CCDC22: variants seen among roughly 807,000 people sequenced by gnomAD.
CCDC22 encodes the protein CCC complex scaffolding subunit CCDC22, also known as coiled-coil domain-containing protein 22.
In CCDC22, 4 loss-of-function variants were observed where a neutral mutation model predicts 53.1. That is an observed-to-expected ratio of 0.08 (90% CI 0.04 to 0.17). The LOEUF (loss-of-function observed/expected upper bound fraction) is 0.17, where lower values mean the gene tolerates loss of function less well. CCDC22 is among the 10% of genes least tolerant of loss of function. CCDC22 has a pLI of 1.00. For missense variants in CCDC22, 458 were observed against 554.0 expected (o/e 0.83, Z 1.74); for synonymous variants, 222 against 224.4 (o/e 0.99, Z 0.10).
chrX:49,245,947 GTTT>G, intron 6 of CCDC22, among the ~76,000 whole-genome samples: 1 of 99,640 alleles, frequency 1.0e-5, no homozygotes, highest in African/African-American at 3.5e-5. Flanking sequence ...TATCTTGTGG[GTTT>G]TTTTTTGTTT....
intron 2 of CCDC22, among the ~76,000 whole-genome samples, chrX:49,241,038 G>A (rs1242692861): frequency 6.3e-5 from 7 of 111,853 alleles, no homozygotes; most frequent in African/African-American, 2.3e-4. Flanking sequence ...TGTACTGTTG[G>A]TATACCCTCT....
At chrX:49,240,210 G>A (rs1310697553) in intron 2 of CCDC22, among the ~76,000 whole-genome samples, 3 of 93,726 alleles carry the variant, frequency 3.2e-5, no homozygotes, top group Non-Finnish European at 4.1e-5. Context: ...CTGTGATTGC[G>A]CCACTGCACT....
At chrX:49,239,633 T>C (rs1557113160) in intron 2 of CCDC22, among the ~76,000 whole-genome samples, 1 of 110,511 alleles carries the variant, frequency 9.0e-6, no homozygotes, top group Admixed American at 9.6e-5. Flanking sequence ...CAGAGCTCCA[T>C]CCATCCCTTC....
In CCDC22 at chrX:49,237,187, C is replaced by T; in HGVS notation, c.152C>T (p.Ser51Phe). 8.3e-7 allele frequency: 1 copy of T among 1,211,936 alleles called. No individual in the cohort carries two copies. Among genetic ancestry groups the T allele is most frequent in the Non-Finnish European group, 1.1e-6 (1 of 895,443 alleles). The change falls in exon 2 of 17, where the codon TCT becomes TTT. Residue 51 changes from serine (S) to phenylalanine (F), a missense_variant. By Grantham distance (155) the Ser-to-Phe change is radical. Transcript: ENST00000376227. ...CLRVINPAVG[S>F]GLSPLLPLAM... ...CGTGTGATCAACCCTGCGGTGGGCT[C>T]TGGCCTCAGCCCTCTGCTGCCTCTT...
intron 6 of CCDC22, 118 bp from the exon 7 acceptor site, chrX:49,246,613 C>A: frequency 3.4e-6 from 2 of 588,403 alleles, no homozygotes; most frequent in Non-Finnish European, 5.1e-6. Flanking sequence ...AGTGGGAAGG[C>A]TGGAGGGTGG....
At chrX:49,236,831 C>G in intron 1 of CCDC22, 1 of 321,368 alleles carries the variant, frequency 3.1e-6, no homozygotes, top group Non-Finnish European at 5.4e-6. Flanking sequence ...TCCCAGACTC[C>G]CAAATTTTGA....
chrX:49,249,370 A>G, intron 14 of CCDC22, 108 bp downstream of exon 14: 1 of 852,461 alleles, frequency 1.2e-6, no homozygotes, highest in Non-Finnish European at 1.7e-6. Flanking sequence ...GCGAGGCTGG[A>G]GGTGCACTGA....
chrX:49,237,095 T>C lies in CCDC22; in HGVS notation c.60T>C (p.Pro20=). 8.3e-7 allele frequency: 1 copy of C among 1,210,049 alleles called. No individual in the cohort carries two copies. Among genetic ancestry groups the C allele is most frequent in the Non-Finnish European group, 1.1e-6 (1 of 893,896 alleles). Residue 20 remains proline, a synonymous_variant, in exon 2 of 17, where the codon CCT becomes CCC. Transcript: ENST00000376227. Reference sequence around the variant, plus strand: ...TGGTCCCCTTCTTCAGGGCAGTTCCTCCAGATGTGCAGACCTTGCGCGCCT... The same window carrying C: ...TGGTCCCCTTCTTCAGGGCAGTTCCCCCAGATGTGCAGACCTTGCGCGCCT... ...HSLRQAGTAV[P]PDVQTLRAFT...
chrX:49,249,256 G>T lies in CCDC22; in HGVS notation c.1629G>T (p.Val543=). The change falls in exon 14 of 17, where the codon GTG becomes GTT. Residue 543 remains valine (V), a synonymous_variant. Transcript: ENST00000376227. ...DRTFAVTDEL[V]FKDAKKDDAV... is the part of the protein sequence containing the mutation. Reference sequence around the variant, plus strand: ...CGTTTGCGGTGACTGATGAGCTTGTGTTCAAGGTGTGGGGCAGGTTGGGCG... The same window carrying T: ...CGTTTGCGGTGACTGATGAGCTTGTTTTCAAGGTGTGGGGCAGGTTGGGCG... The T allele has an allele frequency of 8.4e-7, 1 of 1,193,737 alleles. No homozygotes were observed. Among genetic ancestry groups the T allele is most frequent in the Non-Finnish European group, 1.1e-6 (1 of 879,277 alleles).
chrX:49,242,935 G>C lies in CCDC22; in HGVS notation c.411G>C (p.Gln137His), dbSNP rs1384992528. ...LRAIGSQIRDQLALPWVPPHL... is the reference protein window; with the variant it reads ...LRAIGSQIRDHLALPWVPPHL... Reference sequence around the variant, plus strand: ...CCATTGGGAGCCAAATTCGGGACCAGCTGGCACTGCCTTGGGTCCCGCCCC... The same window carrying C: ...CCATTGGGAGCCAAATTCGGGACCACCTGGCACTGCCTTGGGTCCCGCCCC... Residue 137 changes from glutamine to histidine, a missense_variant, in exon 4 of 17, where the codon CAG (glutamine) becomes CAC (histidine). Gln to His is a conservative substitution (Grantham distance 24). Around this residue, in one of 4 missense-constraint regions of CCDC22, gnomAD observed 309 missense variants for 312.3 expected, o/e 0.99. Transcript: ENST00000376227. The C allele has an allele frequency of 2.6e-6, 3 of 1,169,765 alleles. No homozygotes were observed. In the African/African-American group the frequency reaches 5.4e-5, roughly 21 times the overall value.
rs2065993231 is a variant in CCDC22, at chrX:49,246,900, A to G, written c.884A>G (p.His295Arg). ...GCTCCTAAGGGCTCCCGCTTCACGC[A>G]CTCAGAGAAGTTCACCTTCCATCTG... ...TGAPKGSRFT[H>R]SEKFTFHLEP... is the part of the protein sequence containing the mutation. Residue 295 changes from histidine to arginine, a missense_variant, in exon 7 of 17, where the codon CAC becomes CGC. This residue lies in a region of CCDC22 where 309 missense variants were observed against 312.3 expected (regional missense o/e 0.99). Transcript: ENST00000376227. The G allele has an allele frequency of 1.7e-6, 2 of 1,196,221 alleles. No individual in the cohort carries two copies. Among genetic ancestry groups the G allele is most frequent in the East Asian group, 3.0e-5 (1 of 33,046 alleles).
rs111980671 is a variant in CCDC22, at chrX:49,235,851, A to ACGCACACG, written c.50+166_50+167insGCACACGC. On this transcript the variant is annotated intron_variant, in intron 1 of 16. Transcript: ENST00000376227. ...TACACACACACACACACACACACACACACACACACACACGCACACACACAC... is the reference window on the plus strand; with the variant it reads ...TACACACACACACACACACACACACACGCACACGCACACACACACACGCACACACACAC... Among the ~76,000 whole-genome samples the ACGCACACG allele has an allele frequency of 2.9e-4, 29 of 100,427 alleles. 1 individual carries two copies. Among genetic ancestry groups the ACGCACACG allele is most frequent in the Non-Finnish European group, 5.5e-4 (27 of 48,955 alleles). 87.2% of individuals were successfully genotyped at this position (100,427 alleles called of 115,157 possible).
At position 49,250,375 on chromosome X, in the gene CCDC22, G is replaced by A. The variant is rs782431385; in HGVS notation, c.*114G>A. 2.7e-5 allele frequency: 14 copies of A among 528,254 alleles called. No homozygotes were observed. Among genetic ancestry groups the A allele is most frequent in the Admixed American group, 1.1e-4 (4 of 37,729 alleles). The allele number at this position is 528,254 out of a possible 1,213,427, so 43.5% of individuals were successfully genotyped here. ...TCCGCTGTCCAGTTCCTCCTGCTGC[G>A]GCCTTGGACCCAGACCCCTGCCCAC... On this transcript the variant is annotated 3_prime_UTR_variant, in exon 17 of 17. Coordinates refer to ENST00000376227, the MANE Select transcript of CCDC22 (RefSeq NM_014008.5).
chrX:49,249,779 C>T, intron 16 of CCDC22, 54 bp downstream of exon 16: 2 of 998,574 alleles, frequency 2.0e-6, no homozygotes, highest in Non-Finnish European at 2.8e-6. Context: ...GACAGTTCCT[C>T]AGGTTATGCT....
chrX:49,247,767 A>G lies in CCDC22; in HGVS notation c.1091A>G (p.Gln364Arg), dbSNP rs2065998500. The G allele has an allele frequency of 5.8e-6, 7 of 1,209,484 alleles. No homozygotes were observed. In the South Asian group the frequency reaches 1.2e-4, roughly 21 times the overall value. ...AAGACCCTGGGCGTCAGCTTTGTGC[A>G]GGTAAGGGGCGGAGGAGGGGCTGCG... is the stretch of plus-strand genomic sequence containing the variant. ...DMKTLGVSFVQAESECRHSKL... is the reference protein window; with the variant it reads ...DMKTLGVSFVRAESECRHSKL... Residue 364 changes from glutamine (Q) to arginine (R), a missense_variant and splice_region_variant, in exon 9 of 17, where the codon CAG becomes CGG. Physicochemically the swap from Gln to Arg is conservative, Grantham distance 43. Coordinates refer to ENST00000376227, the MANE Select transcript of CCDC22 (RefSeq NM_014008.5).
intron 1 of CCDC22, among the ~76,000 whole-genome samples, chrX:49,235,917 T>A (rs145961306): frequency 0.02 from 2,179 of 106,571 alleles, 30 homozygotes; most frequent in Non-Finnish European, 0.034. Context: ...CCCAAATCCT[T>A]TAACCATGAT....
At position 49,250,350 on chromosome X, in the gene CCDC22, T is replaced by C; in HGVS notation, c.*89T>C. 1 of 553,092 alleles carries C rather than the reference T, an allele frequency of 1.8e-6. No homozygotes were observed. The highest frequency in any genetic ancestry group is 3.2e-6 in the Non-Finnish European group (1 of 314,430). 45.6% of individuals were successfully genotyped at this position (553,092 alleles called of 1,213,427 possible). A position where few individuals can be genotyped will look rare whatever the true frequency, so the allele number is the denominator to read the frequency against. ...CCAAGCACATGCCCTAGCTACTTCC[T>C]CCGCTGTCCAGTTCCTCCTGCTGCG... On this transcript the variant is annotated 3_prime_UTR_variant, in exon 17 of 17. Transcript: ENST00000376227.
Position 49,235,554 on chromosome X carries a change from C to G in CCDC22, c.-83C>G. The G allele has an allele frequency of 1.1e-6, 1 of 886,908 alleles. No individual in the cohort carries two copies. The highest frequency in any genetic ancestry group is 2.1e-5 in the South Asian group (1 of 46,972). The allele number at this position is 886,908 out of a possible 1,213,427, so 73.1% of individuals were successfully genotyped here. On this transcript the variant is annotated 5_prime_UTR_variant, in exon 1 of 17. Coordinates refer to ENST00000376227, the MANE Select transcript of CCDC22 (RefSeq NM_014008.5). ...CCCGTGACACTCTGTGGACCGCGAGCACGGAGCAGGGTTTCTACAGCTGCT... is the reference window on the plus strand; with the variant it reads ...CCCGTGACACTCTGTGGACCGCGAGGACGGAGCAGGGTTTCTACAGCTGCT...
chrX:49,242,242 G>T (rs2065967221), intron 3 of CCDC22, 94 bp downstream of exon 3: 3 of 1,157,318 alleles, frequency 2.6e-6, no homozygotes, highest in South Asian at 2.0e-5. Context: ...TGGTAAAAAG[G>T]TTGATGGGTA....
Sources: allele counts gnomAD v4.1 joint callset (sites outside exome capture counted in the v4.1 genomes callset), GRCh38; gene constraint gnomAD v4.1.1; regional missense constraint gnomAD v4.1.1; transcripts MANE v1.5; gene names NCBI Gene and HGNC (gene_info 2026-07-23, HGNC 2026-07-21).